STAM: variants seen among roughly 807,000 people sequenced by gnomAD.
The protein encoded by STAM is signal transducing adapter molecule 1.
Under a neutral mutation model 63.4 loss-of-function variants are expected in STAM, and 16 were observed. That is an observed-to-expected ratio of 0.25 (90% CI 0.17 to 0.38). The LOEUF is 0.38. Among genes scored for constraint, STAM ranks in the 10% least tolerant of loss-of-function variants. The pLI is 1.00. For synonymous variants in STAM, 238 were observed against 223.9 expected (o/e 1.06, Z -0.56); for missense variants, 636 against 657.1 (o/e 0.97, Z 0.35).
chr10:17,714,368 T>G (rs560908913), intron 13 of STAM, among the ~76,000 whole-genome samples, 175 bp from the exon 14 acceptor site: 1 of 152,006 alleles, frequency 6.6e-6, no homozygotes, highest in South Asian at 2.1e-4. Context: ...TTTAATGCAA[T>G]GCCTGATATC....
intron 2 of STAM, among the ~76,000 whole-genome samples, chr10:17,684,244 C>T (rs1835204859): frequency 6.6e-6 from 1 of 152,110 alleles, no homozygotes; most frequent in Non-Finnish European, 1.5e-5. Context: ...AATTCATTTT[C>T]CTTCTTGGAT....
chr10:17,684,591 CGTAG>C (rs1340139320), intron 2 of STAM, 80 bp from the exon 3 acceptor site: 4 of 1,010,908 alleles, frequency 4.0e-6, no homozygotes, highest in Non-Finnish European at 5.8e-6. Flanking sequence ...CCCTTTTTAT[CGTAG>C]TCTTTTGTCT....
chr10:17,667,628 T>G (rs1834450076), intron 2 of STAM, among the ~76,000 whole-genome samples: 1 of 152,222 alleles, frequency 6.6e-6, no homozygotes. Context: ...GTGCTAATAT[T>G]CTAATGGTGG....
intron 1 of STAM, among the ~76,000 whole-genome samples, chr10:17,648,378 G>A (rs1027699698): frequency 3.3e-5 from 5 of 152,206 alleles, no homozygotes; most frequent in Admixed American, 2.6e-4. Context: ...GAACCAATCA[G>A]CAGGACATGG....
In STAM at chr10:17,700,289, T is replaced by C; in HGVS notation, c.912+10T>C. Reference sequence around the variant, plus strand: ...AGCCTTTATTGATGAAGTAAGTGGTTTCCATGGTGATAGGAGTTGGTACTT... The same window carrying C: ...AGCCTTTATTGATGAAGTAAGTGGTCTCCATGGTGATAGGAGTTGGTACTT... On this transcript the variant is annotated intron_variant, in intron 9 of 13. Coordinates refer to ENST00000377524, the MANE Select transcript of STAM (RefSeq NM_003473.4). The C allele has an allele frequency of 6.3e-7, 1 of 1,595,270 alleles. No individual in the cohort carries two copies. The highest frequency in any genetic ancestry group is 8.5e-7 in the Non-Finnish European group (1 of 1,169,758).
chr10:17,649,549 T>C (rs536049236), intron 1 of STAM, among the ~76,000 whole-genome samples: 2 of 152,308 alleles, frequency 1.3e-5, no homozygotes, highest in Admixed American at 1.3e-4. Context: ...TGAGAACTTT[T>C]CATTTTTTTT....
At chr10:17,646,803 G>C (rs782333815) in intron 1 of STAM, among the ~76,000 whole-genome samples, 2 of 152,138 alleles carry the variant, frequency 1.3e-5, no homozygotes, top group Admixed American at 1.3e-4. Context: ...ATAGAATACA[G>C]TGTATAGAAT....
chr10:17,648,090 A>T (rs1833587400), intron 1 of STAM, among the ~76,000 whole-genome samples: 1 of 152,082 alleles, frequency 6.6e-6, no homozygotes, highest in Non-Finnish European at 1.5e-5. Context: ...ATTTCTTCAC[A>T]CTTCACATTC....
At chr10:17,688,415 A>C (rs1835383761) in intron 5 of STAM, among the ~76,000 whole-genome samples, 1 of 152,072 alleles carries the variant, frequency 6.6e-6, no homozygotes, top group African/African-American at 2.4e-5. Flanking sequence ...CTTCTTTATA[A>C]ACGAATTGGT....
At chr10:17,645,449 C>T (rs547362695) in intron 1 of STAM, among the ~76,000 whole-genome samples, 2 of 152,278 alleles carry the variant, frequency 1.3e-5, no homozygotes, top group South Asian at 4.1e-4. Flanking sequence ...AAGTTCACTC[C>T]TTACCTCTGC....
intron 9 of STAM, among the ~76,000 whole-genome samples, chr10:17,702,837 G>A (rs1176885713): frequency 2.0e-5 from 3 of 151,924 alleles, no homozygotes; most frequent in South Asian, 4.1e-4. Flanking sequence ...GTGAAACCCC[G>A]TCTCTACTAA....
chr10:17,687,408 C>A (rs375508475), intron 4 of STAM, among the ~76,000 whole-genome samples: 5 of 152,076 alleles, frequency 3.3e-5, no homozygotes, highest in South Asian at 2.1e-4. Flanking sequence ...TCCCCCACCC[C>A]CCTCTGGGAG....
At chr10:17,646,278 A>G (rs1319186045) in intron 1 of STAM, among the ~76,000 whole-genome samples, 1 of 152,056 alleles carries the variant, frequency 6.6e-6, no homozygotes, top group Non-Finnish European at 1.5e-5. Context: ...GTTCAGCCTT[A>G]TCCCTGGCCT....
chr10:17,673,800 AGGCAC>A (rs1834736657), intron 2 of STAM, among the ~76,000 whole-genome samples: 1 of 152,264 alleles, frequency 6.6e-6, no homozygotes, highest in Non-Finnish European at 1.5e-5. Context: ...AACACAAAGC[AGGCAC>A]TCCCTAAGCG....
Position 17,644,226 on chromosome 10 carries a change from G to T in STAM, c.-114G>T. The T allele has an allele frequency of 8.6e-7, 1 of 1,160,390 alleles. No individual in the cohort carries two copies. The highest frequency in any genetic ancestry group is 1.9e-5 in the Admixed American group (1 of 53,434). 71.9% of individuals were successfully genotyped at this position (1,160,390 alleles called of 1,614,324 possible). Reference sequence around the variant, plus strand: ...GAGAGGAGGAGCTGTCGCGGACCCTGTAGAGTCGGTCTCTGTTGCTCTTTT... The same window carrying T: ...GAGAGGAGGAGCTGTCGCGGACCCTTTAGAGTCGGTCTCTGTTGCTCTTTT... On this transcript the variant is annotated 5_prime_UTR_variant, in exon 1 of 14. Coordinates refer to ENST00000377524, the MANE Select transcript of STAM (RefSeq NM_003473.4).
chr10:17,648,983 A>G (rs909095986), intron 1 of STAM, among the ~76,000 whole-genome samples: 1 of 152,162 alleles, frequency 6.6e-6, no homozygotes, highest in Non-Finnish European at 1.5e-5. Flanking sequence ...CTGTAGCTAT[A>G]TGGTACTCTT....
intron 1 of STAM, among the ~76,000 whole-genome samples, chr10:17,651,585 C>G (rs1833744433): frequency 6.6e-6 from 1 of 152,062 alleles, no homozygotes; most frequent in African/African-American, 2.4e-5. Flanking sequence ...TTTCTAATGC[C>G]TTTAGGTTAT....
chr10:17,671,809 AT>A (rs1254045392), intron 2 of STAM, among the ~76,000 whole-genome samples: 1 of 152,026 alleles, frequency 6.6e-6, no homozygotes, highest in South Asian at 2.1e-4. Context: ...ATACCCTGTT[AT>A]TTTGTTATGT....
At chr10:17,706,782 C>T (rs553572019) in intron 12 of STAM, among the ~76,000 whole-genome samples, 1 of 152,098 alleles carries the variant, frequency 6.6e-6, no homozygotes, top group Non-Finnish European at 1.5e-5. Context: ...GCAGGTCAGA[C>T]ATATCTCAAT....
Sources: allele counts gnomAD v4.1 joint callset (sites outside exome capture counted in the v4.1 genomes callset), GRCh38; gene constraint gnomAD v4.1.1; transcripts MANE v1.5; gene names NCBI Gene and HGNC (gene_info 2026-07-23, HGNC 2026-07-21).